The following CACNA1A variants were observed in gnomAD, a reference collection of about 807,000 sequenced individuals.
CACNA1A encodes the protein calcium voltage-gated channel subunit alpha1 A.
A neutral mutation model predicts 262.4 loss-of-function variants in CACNA1A; 57 were observed. The observed-to-expected ratio is 0.22, with a 90% confidence interval of 0.18 to 0.27. CACNA1A has a LOEUF of 0.27. Among genes scored for constraint, CACNA1A ranks in the 10% least tolerant of loss-of-function variants. The pLI is 1.00. For synonymous variants in CACNA1A, 1,431 were observed against 1,419.3 expected (o/e 1.01, Z -0.18); for missense variants, 2,526 against 3,562.8 (o/e 0.71, Z 7.41).
intron 19 of CACNA1A, among the ~76,000 whole-genome samples, chr19:13,290,091 G>A (rs1281992551): frequency 6.7e-6 from 1 of 149,360 alleles, no homozygotes; most frequent in African/African-American, 2.5e-5. Context: ...ACCACACCCG[G>A]CTAATTTTTT....
chr19:13,270,939 T>C (rs1211921660), intron 24 of CACNA1A, among the ~76,000 whole-genome samples: 1 of 152,214 alleles, frequency 6.6e-6, no homozygotes. Context: ...TCTACAAGCC[T>C]GCCAGGGTTG....
intron 27 of CACNA1A, chr19:13,258,043 G>A (rs1214631590): frequency 6.5e-6 from 1 of 153,322 alleles, no homozygotes; most frequent in Non-Finnish European, 1.4e-5. Flanking sequence ...CCTGGCCAAT[G>A]TCAGTCATTT....
intron 31 of CACNA1A, among the ~76,000 whole-genome samples, chr19:13,239,250 G>A (rs551038233): frequency 6.8e-4 from 103 of 151,780 alleles, no homozygotes; most frequent in Non-Finnish European, 1.0e-3. Context: ...AGCCTTTCTC[G>A]GCTGTCTTTG....
intron 24 of CACNA1A, chr19:13,271,557 T>C (rs1310553785): frequency 1.3e-5 from 2 of 152,138 alleles, no homozygotes; most frequent in Non-Finnish European, 2.9e-5. Context: ...AAAGAATTTT[T>C]GGTTCGCTTT....
chr19:13,439,638 C>G (rs1217960128), intron 3 of CACNA1A, among the ~76,000 whole-genome samples: 2 of 151,850 alleles, frequency 1.3e-5, no homozygotes, highest in East Asian at 3.9e-4. Context: ...GTCTCGATCT[C>G]CTGATCTCAT....
At chr19:13,496,241 C>T (rs1055679664) in intron 1 of CACNA1A, among the ~76,000 whole-genome samples, 1 of 152,238 alleles carries the variant, frequency 6.6e-6, no homozygotes, top group African/African-American at 2.4e-5. Context: ...TCAAAGACAA[C>T]TCAAGTCTCT....
chr19:13,399,369 T>A (rs2059860427), intron 3 of CACNA1A, among the ~76,000 whole-genome samples: 1 of 143,040 alleles, frequency 7.0e-6, no homozygotes, highest in Non-Finnish European at 1.5e-5. Context: ...GAGAGATGAG[T>A]CAGCAGAAGT....
chr19:13,208,938 C>T lies in CACNA1A; in HGVS notation c.6598G>A (p.Gly2200Ser). The change falls in exon 46 of 47, where the codon GGC becomes AGC. Residue 2200 changes from glycine (G) to serine (S), a missense_variant. Physicochemically the swap from Gly to Ser is moderately conservative, Grantham distance 56. Transcript: ENST00000360228. ...LPSKERDQER[G>S]RPKDRKHRQH... Reference sequence around the variant, plus strand: ...CGATGCTTCCGATCCTTGGGCCGGCCCCGCTCCTGGTCCCGCTCCTTCGAC... The same window carrying T: ...CGATGCTTCCGATCCTTGGGCCGGCTCCGCTCCTGGTCCCGCTCCTTCGAC... 2 of 1,536,670 alleles carry T rather than the reference C, an allele frequency of 1.3e-6. No homozygotes were observed. Among genetic ancestry groups the T allele is most frequent in the East Asian group, 2.5e-5 (1 of 40,178 alleles).
chr19:13,326,895 C>T (rs1476654944), intron 10 of CACNA1A, among the ~76,000 whole-genome samples: 1 of 147,540 alleles, frequency 6.8e-6, no homozygotes, highest in Non-Finnish European at 1.5e-5. Context: ...TGTATTATTA[C>T]TTTTTTTTGT....
chr19:13,362,268 G>C (rs2059124473), intron 5 of CACNA1A: 1 of 152,076 alleles, frequency 6.6e-6, no homozygotes, highest in East Asian at 1.9e-4. Context: ...CGTGATCTCG[G>C]CTCACTGTAA....
intron 26 of CACNA1A, chr19:13,259,985 C>T (rs2056686600): frequency 3.0e-6 from 1 of 334,196 alleles, no homozygotes; most frequent in Admixed American, 4.2e-5. Flanking sequence ...AACTTCTAGT[C>T]CTCAGGGTGA....
At chr19:13,211,845 A>C in intron 43 of CACNA1A, 1 of 438,004 alleles carries the variant, frequency 2.3e-6, no homozygotes, top group Non-Finnish European at 4.2e-6. Flanking sequence ...GCCAGAGACC[A>C]TTTTGCAGTG....
At chr19:13,293,439 C>CTTTTTTTTTTTTTTTT (rs974515720) in intron 19 of CACNA1A, among the ~76,000 whole-genome samples, 1 of 80,834 alleles carries the variant, frequency 1.2e-5, no homozygotes, top group Non-Finnish European at 2.2e-5. Flanking sequence ...TCAGTTAAAT[C>CTTTTTTTTTTTTTTTT]TTTTTTTTTT....
rs372579276 is a variant in CACNA1A, at chr19:13,350,771, G to C, written c.978+8835C>G. ...ATAATCCCAGTGACTCTGGAGGCTG[G>C]GGTGGGAGGATCACTAGAGGCCAGT... On this transcript the variant is annotated intron_variant, in intron 6 of 46. Coordinates refer to ENST00000360228, the MANE Select transcript of CACNA1A (RefSeq NM_001127222.2). Among the ~76,000 whole-genome samples the C allele has an allele frequency of 1.6e-3, 243 of 152,258 alleles. 1 individual carries two copies. Among genetic ancestry groups the C allele is most frequent in the African/African-American group, 5.7e-3 (238 of 41,554 alleles).
intron 30 of CACNA1A, among the ~76,000 whole-genome samples, chr19:13,251,468 G>A (rs1168788870): frequency 6.6e-6 from 1 of 152,132 alleles, no homozygotes; most frequent in East Asian, 1.9e-4. Context: ...GGGCAACAGC[G>A]AGACTGTCTC....
chr19:13,390,144 T>A (rs535085997), intron 3 of CACNA1A, among the ~76,000 whole-genome samples: 18 of 152,062 alleles, frequency 1.2e-4, no homozygotes, highest in Non-Finnish European at 2.2e-4. Context: ...TAGAGACAGG[T>A]CTCACTCTGT....
intron 3 of CACNA1A, among the ~76,000 whole-genome samples, chr19:13,384,796 GGTGA>G (rs1255807026): frequency 1.3e-5 from 2 of 152,158 alleles, no homozygotes; most frequent in African/African-American, 4.8e-5. Context: ...GCCGCACAGA[GGTGA>G]GTAAGAGTAA....
chr19:13,259,926 T>C (rs1015388108), intron 26 of CACNA1A: 1 of 514,280 alleles, frequency 1.9e-6, no homozygotes, highest in African/African-American at 1.9e-5. Flanking sequence ...ACAACCTTAC[T>C]CCTGGTGGGA....
intron 6 of CACNA1A, among the ~76,000 whole-genome samples, chr19:13,355,127 C>T (rs2058986859): frequency 6.6e-6 from 1 of 152,090 alleles, no homozygotes; most frequent in African/African-American, 2.4e-5. Flanking sequence ...CTGCCTGCCT[C>T]GGCCTCCCAA....
Sources: allele counts gnomAD v4.1 joint callset (sites outside exome capture counted in the v4.1 genomes callset), GRCh38; gene constraint gnomAD v4.1.1; transcripts MANE v1.5; gene names NCBI Gene and HGNC (gene_info 2026-07-23, HGNC 2026-07-21).